PDCD4: variants seen among roughly 807,000 people sequenced by gnomAD.
PDCD4 encodes programmed cell death protein 4.
A neutral mutation model predicts 54.0 loss-of-function variants in PDCD4; 56 were observed. That is an observed-to-expected ratio of 1.04 (90% CI 0.84 to 1.30). PDCD4 has a LOEUF of 1.30. PDCD4 is among the 50% of genes most tolerant of loss of function. The probability of loss-of-function intolerance (pLI) is 0.00; values close to 1 mark genes in which losing one functional copy is unlikely to be tolerated. For synonymous variants in PDCD4, 186 were observed against 194.8 expected, an observed-to-expected ratio of 0.95 and a Z score of 0.37; for missense variants, 584 against 559.8, an observed-to-expected ratio of 1.04 and a Z score of -0.44.
intron 6 of PDCD4, among the ~76,000 whole-genome samples, chr10:110,888,636 A>G (rs1384589483): frequency 1.3e-5 from 2 of 152,180 alleles, no homozygotes; most frequent in African/African-American, 4.8e-5. Context: ...TATGGCTTCT[A>G]TAAATCCTTA....
chr10:110,886,718 G>C (rs927611866), intron 5 of PDCD4, among the ~76,000 whole-genome samples: 1 of 151,902 alleles, frequency 6.6e-6, no homozygotes, highest in African/African-American at 2.4e-5. Context: ...ATACTCAAAG[G>C]GCTATTTGAG....
chr10:110,872,919 G>C (rs1453929168), intron 1 of PDCD4, among the ~76,000 whole-genome samples: 1 of 152,116 alleles, frequency 6.6e-6, no homozygotes, highest in Non-Finnish European at 1.5e-5. Context: ...GTGAGAACTC[G>C]CTACGTAGCC....
At position 110,881,486 on chromosome 10, in the gene PDCD4, G is replaced by A; in HGVS notation, c.297G>A (p.Leu99=). The A allele has an allele frequency of 6.2e-7, 1 of 1,613,936 alleles. No homozygotes were observed. The highest frequency in any genetic ancestry group is 1.1e-5 in the South Asian group (1 of 91,078). Residue 99 remains leucine (L), a synonymous_variant, in exon 3 of 12, where the codon TTG becomes TTA. Coordinates refer to ENST00000280154, the MANE Select transcript of PDCD4 (RefSeq NM_014456.5). ...TGCCAACCAGTCCAAAGGGAAGGTT[G>A]CTGGATAGGCGATCCAGATCTGGGA... ...LTVPTSPKGR[L]LDRRSRSGKG...
At chr10:110,891,757 T>C (rs1328225347) in intron 8 of PDCD4, among the ~76,000 whole-genome samples, 3 of 152,214 alleles carry the variant, frequency 2.0e-5, no homozygotes, top group Non-Finnish European at 4.4e-5. Flanking sequence ...TATGTTAAAA[T>C]AGATGAGTCA....
chr10:110,884,376 T>C (rs1192864145), intron 4 of PDCD4, among the ~76,000 whole-genome samples: 1 of 152,174 alleles, frequency 6.6e-6, no homozygotes, highest in Non-Finnish European at 1.5e-5. Context: ...ATTTCAGAGC[T>C]TTTTTAGCAT....
At chr10:110,885,223 TA>T (rs1845651226) in intron 4 of PDCD4, 29 bp from the exon 5 acceptor site, 3 of 1,032,368 alleles carry the variant, frequency 2.9e-6, no homozygotes, top group African/African-American at 1.6e-5. Flanking sequence ...TTTTGTTTTT[TA>T]TAACTCTTAC....
intron 2 of PDCD4, among the ~76,000 whole-genome samples, chr10:110,880,101 C>G (rs971414154): frequency 1.3e-5 from 2 of 152,168 alleles, no homozygotes; most frequent in African/African-American, 4.8e-5. Flanking sequence ...AAAGAGCTTT[C>G]AGGGCAAAGC....
At chr10:110,878,810 T>C (rs1049791510) in intron 2 of PDCD4, among the ~76,000 whole-genome samples, 7 of 152,156 alleles carry the variant, frequency 4.6e-5, no homozygotes, top group Non-Finnish European at 1.0e-4. Context: ...AGACCACATA[T>C]GTAAAGTGCC....
Position 110,883,080 on chromosome 10 carries a change from A to G in PDCD4, c.424A>G (p.Asn142Asp), listed in dbSNP as rs748311371. The change falls in exon 4 of 12, where the codon AAC (asparagine) becomes GAC (aspartate). Residue 142 changes from asparagine (N) to aspartate (D), a missense_variant. Transcript: ENST00000280154. ...GGAGGAGGTGGATGTGAAAGATCCT[A>G]ACTATGATGATGACCAGGTATCAGT... ...DVEEVDVKDP[N>D]YDDDQENCVY... 8 of 1,584,522 alleles carry G rather than the reference A, an allele frequency of 5.0e-6. No homozygotes were observed. Among genetic ancestry groups the G allele is most frequent in the Non-Finnish European group, 6.9e-6 (8 of 1,166,092 alleles).
chr10:110,893,210 TTAAA>T (rs1021402643), intron 8 of PDCD4, among the ~76,000 whole-genome samples: 4 of 152,038 alleles, frequency 2.6e-5, no homozygotes, highest in Non-Finnish European at 5.9e-5. Context: ...ATGCTATGCT[TTAAA>T]TATTTACTTA....
intron 8 of PDCD4, among the ~76,000 whole-genome samples, chr10:110,891,072 C>T (rs1231728014): frequency 6.6e-6 from 1 of 152,030 alleles, no homozygotes; most frequent in African/African-American, 2.4e-5. Flanking sequence ...ATTATGAGCA[C>T]TAGAGCAGAT....
Position 110,872,924 on chromosome 10 carries a change from G to T in PDCD4, c.-63+906G>T, listed in dbSNP as rs184128659. ...CCTCCCCCTTGTGAGAACTCGCTACGTAGCCAGCAACTGTGTAGTGTCTAC... is the reference window on the plus strand; with the variant it reads ...CCTCCCCCTTGTGAGAACTCGCTACTTAGCCAGCAACTGTGTAGTGTCTAC... On this transcript the variant is annotated intron_variant, in intron 1 of 11. Transcript: ENST00000280154. Among the ~76,000 whole-genome samples the T allele has an allele frequency of 1.6e-4, 25 of 152,252 alleles. No individual in the cohort carries two copies. The East Asian group carries it at 2.3e-3, about 14-fold the overall frequency.
intron 2 of PDCD4, among the ~76,000 whole-genome samples, chr10:110,878,325 T>C (rs949131728): frequency 2.0e-5 from 3 of 152,164 alleles, no homozygotes; most frequent in African/African-American, 4.8e-5. Context: ...ATGTTAAAAT[T>C]GTTGAAGAAA....
In PDCD4 at chr10:110,871,994, G is replaced by C. The variant is rs921328922; in HGVS notation, c.-87G>C. The stretch of plus-strand genomic sequence containing the variant: ...CGGGGCCGGCTGACCAGGAACCTGG[G>C]CGAGCAGCGGCGGGGGCCCGAGGGG... On this transcript the variant is annotated 5_prime_UTR_variant, in exon 1 of 12. Coordinates refer to ENST00000280154, the MANE Select transcript of PDCD4 (RefSeq NM_014456.5). 1 of 152,904 alleles carries C rather than the reference G, an allele frequency of 6.5e-6. No individual in the cohort carries two copies. Among genetic ancestry groups the C allele is most frequent in the Non-Finnish European group, 1.5e-5 (1 of 68,378 alleles). 9.5% of individuals were successfully genotyped at this position (152,904 alleles called of 1,614,324 possible).
intron 11 of PDCD4, among the ~76,000 whole-genome samples, chr10:110,897,449 A>G (rs10787289): frequency 0.69 from 104,670 of 152,064 alleles, 36,513 homozygotes; most frequent in Non-Finnish European, 0.75. Context: ...CTTCTGGGCT[A>G]TTGCCACTAC....
intron 11 of PDCD4, 47 bp from the exon 12 acceptor site, chr10:110,897,981 G>A (rs1349612081): frequency 7.3e-7 from 1 of 1,364,224 alleles, no homozygotes; most frequent in African/African-American, 1.5e-5. Flanking sequence ...ATTGACTATA[G>A]TCAGAATTTG....
chr10:110,894,864 T>C (rs746386480), intron 10 of PDCD4, among the ~76,000 whole-genome samples: 5 of 151,906 alleles, frequency 3.3e-5, no homozygotes, highest in Non-Finnish European at 5.9e-5. Flanking sequence ...AAGTACTTTT[T>C]TCCTATTAAA....
chr10:110,880,515 T>C (rs192646795), intron 2 of PDCD4: 1 of 152,346 alleles, frequency 6.6e-6, no homozygotes, highest in East Asian at 1.9e-4. Flanking sequence ...TTTAGGGAGA[T>C]GAATTAGGAC....
In PDCD4 at chr10:110,887,792, G is replaced by A; in HGVS notation, c.683G>A (p.Gly228Glu). ...MTSKLLSDLC[G>E]TVMSTTDVEK... ...TCTAAGCTTCTTTCTGACCTTTGTG[G>A]GACAGTAATGAGCACAACTGATGTG... is the stretch of plus-strand genomic sequence containing the variant. The change falls in exon 6 of 12, where the codon GGG (glycine) becomes GAG (glutamate). Residue 228 changes from glycine to glutamate, a missense_variant. By Grantham distance (98) the Gly-to-Glu change is moderately conservative. Coordinates refer to ENST00000280154, the MANE Select transcript of PDCD4 (RefSeq NM_014456.5). The A allele has an allele frequency of 6.2e-7, 1 of 1,613,580 alleles. No homozygotes were observed. The highest frequency in any genetic ancestry group is 8.5e-7 in the Non-Finnish European group (1 of 1,179,612).
Sources: gnomAD v4.1 joint callset for allele counts (sites outside exome capture counted in the v4.1 genomes callset) on GRCh38, gnomAD v4.1.1 for gene constraint, MANE v1.5 for transcripts, NCBI Gene and HGNC (gene_info 2026-07-23, HGNC 2026-07-21) for gene names.